DLGAP2: variants seen among roughly 807,000 people sequenced by gnomAD.
DLGAP2 encodes the protein DLG associated protein 2, also known as disks large-associated protein 2.
In DLGAP2, 26 loss-of-function variants were observed where a neutral mutation model predicts 100.3. The ratio of observed to expected loss-of-function variants is 0.26; its 90% confidence interval spans 0.19 to 0.36. The LOEUF is 0.36. Ranked by LOEUF, DLGAP2 falls within the 10% of genes least tolerant of loss-of-function variation. The probability of loss-of-function intolerance (pLI) is 1.00; values close to 1 mark genes in which losing one functional copy is unlikely to be tolerated. For synonymous variants in DLGAP2, 886 were observed against 630.1 expected (o/e 1.41, Z -6.08); for missense variants, 1,858 against 1,453.2 (o/e 1.28, Z -4.53).
At chr8:918,258 T>C (rs1798637076) in intron 2 of DLGAP2, among the ~76,000 whole-genome samples, 2 of 152,220 alleles carry the variant, frequency 1.3e-5, no homozygotes, top group African/African-American at 4.8e-5. Context: ...ACATTTTAGA[T>C]TTAAGCCTCC....
At chr8:1,070,796 T>C (rs1356926582) in intron 2 of DLGAP2, among the ~76,000 whole-genome samples, 1 of 152,156 alleles carries the variant, frequency 6.6e-6, no homozygotes, top group Non-Finnish European at 1.5e-5. Flanking sequence ...CGCTGGCTTT[T>C]CCGTGTAGAG....
chr8:1,241,585 C>G (rs546642772), intron 2 of DLGAP2, among the ~76,000 whole-genome samples: 112 of 152,352 alleles, frequency 7.4e-4, no homozygotes, highest in African/African-American at 2.6e-3. Flanking sequence ...CTGGGTGGAG[C>G]CAGTCAGCTT....
At chr8:1,028,470 C>G (rs1326774892) in intron 2 of DLGAP2, among the ~76,000 whole-genome samples, 2 of 150,848 alleles carry the variant, frequency 1.3e-5, no homozygotes, top group Non-Finnish European at 3.0e-5. Context: ...GTCAGGCGCC[C>G]TTTATTCTCC....
intron 1 of DLGAP2, among the ~76,000 whole-genome samples, chr8:807,839 G>A (rs965091431): frequency 1.3e-4 from 20 of 152,294 alleles, no homozygotes; most frequent in African/African-American, 4.6e-4. Context: ...GGGGGTGCTG[G>A]TGCACAGGAA....
chr8:1,302,544 G>T (rs182350267), intron 3 of DLGAP2: 2 of 151,966 alleles, frequency 1.3e-5, no homozygotes, highest in African/African-American at 2.4e-5. Context: ...CCCGGGACTG[G>T]ACTCAGTATT....
chr8:1,574,278 G>A (rs1802874943), intron 6 of DLGAP2, among the ~76,000 whole-genome samples: 2 of 152,180 alleles, frequency 1.3e-5, no homozygotes, highest in African/African-American at 2.4e-5. Context: ...TGAGACAGGA[G>A]AGCAATGAAC....
At chr8:1,356,417 C>G (rs1182798984) in intron 3 of DLGAP2, among the ~76,000 whole-genome samples, 1 of 152,168 alleles carries the variant, frequency 6.6e-6, no homozygotes, top group Non-Finnish European at 1.5e-5. Flanking sequence ...CCATGTGAAA[C>G]CACAAGCGCT....
At chr8:857,307 A>G (rs1351695752) in intron 1 of DLGAP2, among the ~76,000 whole-genome samples, 1 of 152,230 alleles carries the variant, frequency 6.6e-6, no homozygotes, top group Non-Finnish European at 1.5e-5. Flanking sequence ...ATAACACCAA[A>G]TGCATGATGC....
intron 6 of DLGAP2, among the ~76,000 whole-genome samples, chr8:1,606,049 G>C (rs1796785717): frequency 6.6e-6 from 1 of 152,164 alleles, no homozygotes. Context: ...GAAAGTATTT[G>C]TGGAAAATGA....
intron 3 of DLGAP2, among the ~76,000 whole-genome samples, chr8:1,293,489 G>A (rs1800105214): frequency 6.6e-6 from 1 of 152,230 alleles, no homozygotes; most frequent in African/African-American, 2.4e-5. Flanking sequence ...GCTCATCTCA[G>A]TGAGATTAAT....
chr8:1,138,691 A>C (rs907116635), intron 2 of DLGAP2, among the ~76,000 whole-genome samples: 1 of 152,248 alleles, frequency 6.6e-6, no homozygotes, highest in Admixed American at 6.5e-5. Context: ...TTTGAAGCCA[A>C]GTTTCAGTCT....
In DLGAP2 at chr8:1,592,702, T is replaced by C. The variant is rs998726995; in HGVS notation, c.1442+26808T>C. ...GTTCCATTTAATGCAGTGATAGTTA[T>C]TTTTTATCTTCTGTGTTTTCTCTAC... On this transcript the variant is annotated intron_variant, in intron 6 of 14. Coordinates refer to ENST00000637795, the MANE Select transcript of DLGAP2 (RefSeq NM_001346810.2). 1.2e-4 allele frequency among the ~76,000 whole-genome samples: 19 copies of C among 152,304 alleles called. 1 individual carries two copies. The Middle Eastern group carries it at 0.01, about 82-fold the overall frequency.
At chr8:1,261,024 G>C (rs1304530444) in intron 3 of DLGAP2, among the ~76,000 whole-genome samples, 1 of 152,232 alleles carries the variant, frequency 6.6e-6, no homozygotes, top group Non-Finnish European at 1.5e-5. Context: ...GGCGTGAGGA[G>C]GGGAGGAAAC....
At chr8:1,581,066 C>T (rs1192940322) in intron 6 of DLGAP2, among the ~76,000 whole-genome samples, 2 of 148,410 alleles carry the variant, frequency 1.3e-5, no homozygotes, top group African/African-American at 2.5e-5. Context: ...AGACAAAACC[C>T]CACACACATC....
chr8:1,003,783 C>T (rs1269745730), intron 2 of DLGAP2, among the ~76,000 whole-genome samples: 6 of 152,126 alleles, frequency 3.9e-5, no homozygotes, highest in Non-Finnish European at 7.3e-5. Context: ...GCACCTTGGT[C>T]CCCCCATACC....
chr8:1,071,340 C>T (rs566800789), intron 2 of DLGAP2, among the ~76,000 whole-genome samples: 13 of 152,308 alleles, frequency 8.5e-5, no homozygotes, highest in South Asian at 8.3e-4. Flanking sequence ...GCCGCCTCCA[C>T]GGTGCTTGAC....
At chr8:1,298,231 C>T (rs377556562) in intron 3 of DLGAP2, among the ~76,000 whole-genome samples, 1 of 152,150 alleles carries the variant, frequency 6.6e-6, no homozygotes, top group Admixed American at 6.5e-5. Flanking sequence ...AGGATGTGAT[C>T]TTATTTCAGC....
intron 2 of DLGAP2, among the ~76,000 whole-genome samples, chr8:1,120,204 A>T (rs966752044): frequency 6.6e-6 from 1 of 152,130 alleles, no homozygotes; most frequent in African/African-American, 2.4e-5. Context: ...GGAGGAAGAG[A>T]GCCATCCTCC....
Position 1,519,811 on chromosome 8 carries a change from G to A in DLGAP2, c.172+18380G>A, listed in dbSNP as rs576572000. ...TGCTGCCTGTCACAGTGGGTTTTGT[G>A]CTCAGCAGGTGATGGCCCCGGCAGG... On this transcript the variant is annotated intron_variant, in intron 4 of 14. Transcript: ENST00000637795. Among the ~76,000 whole-genome samples, 3 of 152,398 alleles carry A rather than the reference G, an allele frequency of 2.0e-5. No homozygotes were observed. In the South Asian group the frequency reaches 6.2e-4, roughly 32 times the overall value.
Sources: gnomAD v4.1 joint callset for allele counts (sites outside exome capture counted in the v4.1 genomes callset) on GRCh38, gnomAD v4.1.1 for gene constraint, MANE v1.5 for transcripts, NCBI Gene and HGNC (gene_info 2026-07-23, HGNC 2026-07-21) for gene names.